KAT2B: variants seen among roughly 807,000 people sequenced by gnomAD.
The protein encoded by KAT2B is lysine acetyltransferase 2B, also known as histone acetyltransferase KAT2B.
A neutral mutation model predicts 105.9 loss-of-function variants in KAT2B; 36 were observed. The observed-to-expected ratio is 0.34, with a 90% CI of 0.26 to 0.45. KAT2B has a LOEUF of 0.45. Among genes scored for constraint, KAT2B ranks in the 20% least tolerant of loss-of-function variants. The pLI is 1.00. For missense variants in KAT2B, 820 were observed against 1,021.6 expected (o/e 0.80, Z 2.69); for synonymous variants, 397 against 377.9 (o/e 1.05, Z -0.59).
rs1370119067 is a variant in KAT2B at position 20,104,075 on chromosome 3, G to A, written c.851+2607G>A. Among the ~76,000 whole-genome samples the A allele has an allele frequency of 3.3e-5, 5 of 152,280 alleles. No homozygotes were observed. The East Asian group carries it at 7.7e-4, about 24-fold the overall frequency. ...CCAATGTGGAGCTTATTAAGCTAAA[G>A]CCTTAAATGTATAATTGAGTGAGTG... On this transcript the variant is annotated intron_variant, in intron 5 of 17. Transcript: ENST00000263754.
intron 3 of KAT2B, 98 bp from the exon 4 acceptor site, chr3:20,099,764 A>T: frequency 3.1e-6 from 2 of 647,114 alleles, no homozygotes; most frequent in Admixed American, 2.6e-5. Context: ...TGTGTAAGAG[A>T]GAGAGAGAGA....
At chr3:20,100,904 TTATC>T (rs1382606783) in intron 4 of KAT2B, 10 of 183,320 alleles carry the variant, frequency 5.5e-5, no homozygotes, top group Non-Finnish European at 9.1e-5. Flanking sequence ...AAAACAATAT[TTATC>T]TAAGAACTGC....
At chr3:20,079,145 C>A (rs868828785) in intron 2 of KAT2B, among the ~76,000 whole-genome samples, 1 of 151,252 alleles carries the variant, frequency 6.6e-6, no homozygotes, top group Non-Finnish European at 1.5e-5. Flanking sequence ...AGGTGATCCA[C>A]CCGCCTCGGC....
At chr3:20,080,459 A>G (rs756781413) in intron 2 of KAT2B, among the ~76,000 whole-genome samples, 2 of 152,194 alleles carry the variant, frequency 1.3e-5, no homozygotes, top group Non-Finnish European at 2.9e-5. Context: ...GCTCTGTGGC[A>G]ATGTTCCTTC....
chr3:20,119,785 G>A, intron 8 of KAT2B, 62 bp downstream of exon 8: 10 of 1,578,278 alleles, frequency 6.3e-6, no homozygotes, highest in Non-Finnish European at 8.7e-6. Flanking sequence ...CATTACCTGA[G>A]GAGTGCAAAA....
At chr3:20,093,293 G>A (rs1698754890) in intron 2 of KAT2B, among the ~76,000 whole-genome samples, 1 of 152,188 alleles carries the variant, frequency 6.6e-6, no homozygotes, top group Admixed American at 6.5e-5. Context: ...ATTCTGTGCA[G>A]GAATAATTGG....
intron 1 of KAT2B, among the ~76,000 whole-genome samples, chr3:20,056,004 G>C (rs2125168832): frequency 6.6e-6 from 1 of 152,318 alleles, no homozygotes; most frequent in Non-Finnish European, 1.5e-5. Context: ...TCTGCTGTAT[G>C]GACGTACTAG....
intron 3 of KAT2B, among the ~76,000 whole-genome samples, chr3:20,099,417 TTAAA>T (rs1698869177): frequency 6.6e-6 from 1 of 152,198 alleles, no homozygotes; most frequent in Non-Finnish European, 1.5e-5. Context: ...TCTCACGTCT[TTAAA>T]TAAGATCCTC....
chr3:20,086,408 G>A (rs995380858), intron 2 of KAT2B, among the ~76,000 whole-genome samples: 1 of 152,132 alleles, frequency 6.6e-6, no homozygotes, highest in African/African-American at 2.4e-5. Flanking sequence ...AGACTAGCCT[G>A]GGCAACATGG....
intron 2 of KAT2B, among the ~76,000 whole-genome samples, chr3:20,088,418 C>T (rs966233195): frequency 2.6e-5 from 4 of 152,108 alleles, no homozygotes; most frequent in Non-Finnish European, 2.9e-5. Context: ...TGCCAACACT[C>T]ATCTTTCATC....
At chr3:20,088,490 C>T (rs2125191855) in intron 2 of KAT2B, among the ~76,000 whole-genome samples, 1 of 152,266 alleles carries the variant, frequency 6.6e-6, no homozygotes, top group Non-Finnish European at 1.5e-5. Context: ...ATTTGCATTT[C>T]TCTGATTAGT....
chr3:20,136,216 T>C (rs560672814), intron 11 of KAT2B, among the ~76,000 whole-genome samples: 1 of 152,226 alleles, frequency 6.6e-6, no homozygotes, highest in African/African-American at 2.4e-5. Flanking sequence ...TTATCTCTCT[T>C]TATGAGGTTC....
At position 20,144,541 on chromosome 3, in the gene KAT2B, G is replaced by A. The variant is rs1321823459; in HGVS notation, c.2005-1775G>A. On this transcript the variant is annotated intron_variant, in intron 13 of 17. Transcript: ENST00000263754. ...CCTGACCTCGTGATCTGCCCACCTC[G>A]GCCTCCCAAAGTGCTGGGATTACAG... Among the ~76,000 whole-genome samples the A allele has an allele frequency of 3.3e-5, 5 of 150,800 alleles. No homozygotes were observed. In the South Asian group the frequency reaches 6.2e-4, roughly 19 times the overall value.
intron 13 of KAT2B, among the ~76,000 whole-genome samples, chr3:20,143,486 G>T (rs1450388615): frequency 6.6e-6 from 1 of 152,152 alleles, no homozygotes; most frequent in Non-Finnish European, 1.5e-5. Context: ...ATTTCTCAAA[G>T]AATTAAAAAT....
At chr3:20,129,081 G>A (rs1167687631) in intron 11 of KAT2B, among the ~76,000 whole-genome samples, 2 of 151,066 alleles carry the variant, frequency 1.3e-5, no homozygotes, top group African/African-American at 4.9e-5. Flanking sequence ...TAGCAGCTCC[G>A]GATGATTAAG....
chr3:20,112,223 C>G (rs1310720628), intron 6 of KAT2B, among the ~76,000 whole-genome samples: 2 of 149,162 alleles, frequency 1.3e-5, no homozygotes, highest in Non-Finnish European at 3.0e-5. Flanking sequence ...GGTGAACCAT[C>G]CCTGCCTCAG....
intron 1 of KAT2B, among the ~76,000 whole-genome samples, chr3:20,071,736 T>C (rs187476278): frequency 6.6e-6 from 1 of 152,318 alleles, no homozygotes; most frequent in African/African-American, 2.4e-5. Context: ...AATGTACGTG[T>C]AAGTAGAAAC....
chr3:20,063,091 A>G (rs1698164980), intron 1 of KAT2B, among the ~76,000 whole-genome samples: 1 of 151,810 alleles, frequency 6.6e-6, no homozygotes. Context: ...ATTTTTAGAC[A>G]GTATCTTGCT....
chr3:20,131,358 G>C (rs1476416116), intron 11 of KAT2B, among the ~76,000 whole-genome samples: 1 of 151,818 alleles, frequency 6.6e-6, no homozygotes, highest in Non-Finnish European at 1.5e-5. Flanking sequence ...AATGATTAAT[G>C]AACAACTTTT....
Sources: allele counts gnomAD v4.1 joint callset (sites outside exome capture counted in the v4.1 genomes callset), GRCh38; gene constraint gnomAD v4.1.1; transcripts MANE v1.5; gene names NCBI Gene and HGNC (gene_info 2026-07-23, HGNC 2026-07-21).